Variants in SDK1 observed in about 807,000 individuals in gnomAD.
SDK1 encodes protein sidekick-1.
In SDK1, 157 loss-of-function variants were observed where a neutral mutation model predicts 245.5. The observed-to-expected ratio is 0.64, with a 90% CI of 0.56 to 0.73. The LOEUF (loss-of-function observed/expected upper bound fraction) is 0.73, where lower values mean the gene tolerates loss of function less well. SDK1 is among the 30% of genes least tolerant of loss of function. The probability of loss-of-function intolerance (pLI) is 0.00; values close to 1 mark genes in which losing one functional copy is unlikely to be tolerated. For missense variants in SDK1, 3,583 were observed against 3,002.3 expected (o/e 1.19, Z -4.52); for synonymous variants, 1,647 against 1,278.5 (o/e 1.29, Z -6.15).
chr7:3,439,280 C>T (rs979390544), intron 1 of SDK1, among the ~76,000 whole-genome samples: 1 of 152,176 alleles, frequency 6.6e-6, no homozygotes, highest in East Asian at 1.9e-4. Flanking sequence ...GTGAACATTT[C>T]ATCTAAAACG....
chr7:3,617,284 G>T (rs1781800894), intron 1 of SDK1, among the ~76,000 whole-genome samples: 1 of 152,204 alleles, frequency 6.6e-6, no homozygotes, highest in Non-Finnish European at 1.5e-5. Context: ...TGTTCTAGGT[G>T]CTAGGAATTC....
At chr7:4,177,208 A>C (rs1782268577) in intron 34 of SDK1, among the ~76,000 whole-genome samples, 1 of 152,168 alleles carries the variant, frequency 6.6e-6, no homozygotes. Flanking sequence ...GAGTCACGGA[A>C]GCTTTGCTGG....
rs548491033 is a variant in SDK1 at position 4,084,101 on chromosome 7, G to A, written c.3324+4517G>A. On this transcript the variant is annotated intron_variant, in intron 22 of 44. Coordinates refer to ENST00000404826, the MANE Select transcript of SDK1 (RefSeq NM_152744.4). ...TCAGTCTTTCCTCATTTAGCTGTTG[G>A]AACTCTAAAAAGAAGCATCTCTGCT... is the stretch of plus-strand genomic sequence containing the variant. Among the ~76,000 whole-genome samples, 18 of 152,202 alleles carry A rather than the reference G, an allele frequency of 1.2e-4. 1 individual carries two copies. The South Asian group carries it at 3.3e-3, about 28-fold the overall frequency.
At chr7:3,862,416 A>T (rs1402826438) in intron 5 of SDK1, among the ~76,000 whole-genome samples, 1 of 152,216 alleles carries the variant, frequency 6.6e-6, no homozygotes, top group Non-Finnish European at 1.5e-5. Flanking sequence ...TCTTGTGGGA[A>T]TAGAATGATT....
intron 4 of SDK1, among the ~76,000 whole-genome samples, chr7:3,729,294 C>CTTA (rs1282792555): frequency 6.6e-6 from 1 of 152,194 alleles, no homozygotes; most frequent in East Asian, 1.9e-4. Flanking sequence ...CTCATTCTGG[C>CTTA]TAATATATAA....
rs568099717 is a variant in SDK1 at position 3,932,417 on chromosome 7, G to A, written c.848-18506G>A. 2.6e-5 allele frequency among the ~76,000 whole-genome samples: 4 copies of A among 152,240 alleles called. No homozygotes were observed. The East Asian group carries it at 7.7e-4, about 29-fold the overall frequency. ...ACATTTAGGAAAAAAACCTTGCTTC[G>A]TAGCAGATTGAGTAGAGAACCAGTT... On this transcript the variant is annotated intron_variant, in intron 5 of 44. Transcript: ENST00000404826.
At chr7:3,308,891 A>G (rs1779483933) in intron 1 of SDK1, among the ~76,000 whole-genome samples, 1 of 152,112 alleles carries the variant, frequency 6.6e-6, no homozygotes, top group South Asian at 2.1e-4. Context: ...TGAGAAAAAA[A>G]TAGAGGGAGA....
intron 31 of SDK1, among the ~76,000 whole-genome samples, chr7:4,160,714 C>T (rs530645616): frequency 1.6e-4 from 24 of 152,198 alleles, no homozygotes; most frequent in Non-Finnish European, 2.4e-4. Flanking sequence ...AATGGCACCG[C>T]TGTATCACCA....
At chr7:3,853,353 A>T (rs528790125) in intron 5 of SDK1, among the ~76,000 whole-genome samples, 5 of 152,170 alleles carry the variant, frequency 3.3e-5, no homozygotes, top group Non-Finnish European at 5.9e-5. Context: ...AGCCATAAAC[A>T]TAACTGTCCT....
chr7:4,166,868 G>C (rs2128214715), intron 32 of SDK1, among the ~76,000 whole-genome samples: 1 of 152,286 alleles, frequency 6.6e-6, no homozygotes, highest in African/African-American at 2.4e-5. Context: ...AGAGAGCTGG[G>C]TGGGAGGTTC....
chr7:4,161,965 T>A, intron 32 of SDK1, 109 bp downstream of exon 32: 1 of 969,084 alleles, frequency 1.0e-6, no homozygotes, highest in Non-Finnish European at 1.6e-6. Context: ...AGCTAAGCGT[T>A]TGAGAGTAGA....
Position 4,237,661 on chromosome 7 carries a change from C to G in SDK1, c.6007C>G (p.Pro2003Ala), listed in dbSNP as rs780763854. The G allele has an allele frequency of 3.7e-6, 6 of 1,614,134 alleles. No individual in the cohort carries two copies. The South Asian group carries it at 6.6e-5, about 18-fold the overall frequency. Reference protein sequence around the residue: ...STAVSAQVEAPFYEEWWFLLV... With the variant: ...STAVSAQVEAAFYEEWWFLLV... ...CTTTTCCACAGCTCAAGTGGAAGCCCCATTCTACGAGGAGTGGTGGTTCCT... is the reference window on the plus strand; with the variant it reads ...CTTTTCCACAGCTCAAGTGGAAGCCGCATTCTACGAGGAGTGGTGGTTCCT... Residue 2003 changes from proline (P) to alanine (A), a missense_variant, in exon 42 of 45, where the codon CCA becomes GCA. Coordinates refer to ENST00000404826, the MANE Select transcript of SDK1 (RefSeq NM_152744.4).
At chr7:3,445,397 A>G (rs1312905151) in intron 1 of SDK1, among the ~76,000 whole-genome samples, 1 of 152,198 alleles carries the variant, frequency 6.6e-6, no homozygotes, top group African/African-American at 2.4e-5. Context: ...AAACTGTGGA[A>G]GGAAATTGTG....
intron 1 of SDK1, among the ~76,000 whole-genome samples, chr7:3,483,030 A>G (rs906077786): frequency 1.3e-5 from 2 of 151,464 alleles, no homozygotes; most frequent in Non-Finnish European, 2.9e-5. Context: ...AACACTTGTC[A>G]TATTGTAAAC....
Position 4,265,789 on chromosome 7 carries a change from C to T in SDK1, c.*405C>T, listed in dbSNP as rs531186789. The T allele has an allele frequency of 1.9e-4, 191 of 1,009,330 alleles. No homozygotes were observed. In the African/African-American group the frequency reaches 2.9e-3, roughly 15 times the overall value. 62.5% of individuals were successfully genotyped at this position (1,009,330 alleles called of 1,614,324 possible). A position where few individuals can be genotyped will look rare whatever the true frequency, so the allele number is the denominator to read the frequency against. On this transcript the variant is annotated 3_prime_UTR_variant, in exon 45 of 45. Coordinates refer to ENST00000404826, the MANE Select transcript of SDK1 (RefSeq NM_152744.4). ...TCTCAGAGCTGCCCCGGCCGGCCCCCGTCTCTTTCTACCTCCTCTTCCAGA... is the reference window on the plus strand; with the variant it reads ...TCTCAGAGCTGCCCCGGCCGGCCCCTGTCTCTTTCTACCTCCTCTTCCAGA...
chr7:3,539,468 C>A lies in SDK1; in HGVS notation c.299-79612C>A, dbSNP rs550010466. ...ACCTGGAGTACGCAGAAGAGGGTTT[C>A]TTGAGGAAGTTTTAGGCTAGAACAG... On this transcript the variant is annotated intron_variant, in intron 1 of 44. Coordinates refer to ENST00000404826, the MANE Select transcript of SDK1 (RefSeq NM_152744.4). Among the ~76,000 whole-genome samples the A allele has an allele frequency of 2.6e-5, 4 of 152,246 alleles. No individual in the cohort carries two copies. In the South Asian group the frequency reaches 8.3e-4, roughly 32 times the overall value.
At chr7:3,689,407 A>AC (rs1784381123) in intron 4 of SDK1, among the ~76,000 whole-genome samples, 1 of 152,126 alleles carries the variant, frequency 6.6e-6, no homozygotes, top group Non-Finnish European at 1.5e-5. Context: ...AAGACAGTAA[A>AC]CCTGGTACAA....
intron 5 of SDK1, among the ~76,000 whole-genome samples, chr7:3,911,103 C>T (rs770696801): frequency 6.6e-6 from 1 of 152,190 alleles, no homozygotes; most frequent in Non-Finnish European, 1.5e-5. Context: ...CTGGAGGCCT[C>T]TGCAGTCTTT....
intron 1 of SDK1, among the ~76,000 whole-genome samples, chr7:3,618,491 A>C (rs368480362): frequency 6.6e-6 from 1 of 152,080 alleles, no homozygotes; most frequent in Non-Finnish European, 1.5e-5. Flanking sequence ...TATGTGTAGC[A>C]ATTGTTGCTG....
Sources: allele counts gnomAD v4.1 joint callset (sites outside exome capture counted in the v4.1 genomes callset), GRCh38; gene constraint gnomAD v4.1.1; transcripts MANE v1.5; gene names NCBI Gene and HGNC (gene_info 2026-07-23, HGNC 2026-07-21).